The following WDR72 variants were observed in gnomAD, a reference collection of about 807,000 sequenced individuals.
WDR72 encodes the protein WD repeat domain 72, also known as WD repeat-containing protein 72.
A neutral mutation model predicts 124.2 loss-of-function variants in WDR72; 120 were observed. The ratio of observed to expected loss-of-function variants is 0.97; its 90% CI spans 0.83 to 1.12. The LOEUF is 1.12. Ranked by LOEUF, WDR72 falls within the 50% of genes most tolerant of loss-of-function variation. The pLI, the probability that WDR72 is intolerant of heterozygous loss-of-function variation, is 0.00. For missense variants in WDR72, 1,387 were observed against 1,278.8 expected (o/e 1.08, Z -1.29); for synonymous variants, 452 against 441.7 (o/e 1.02, Z -0.29).
chr15:53,720,115 T>A (rs1393650414), intron 3 of WDR72, among the ~76,000 whole-genome samples: 1 of 152,198 alleles, frequency 6.6e-6, no homozygotes, highest in Non-Finnish European at 1.5e-5. Flanking sequence ...TTAAAAAAAA[T>A]TGTTTTCTTT....
intron 18 of WDR72, among the ~76,000 whole-genome samples, chr15:53,579,229 A>G (rs1186162633): frequency 6.6e-6 from 1 of 152,142 alleles, no homozygotes; most frequent in Non-Finnish European, 1.5e-5. Flanking sequence ...TTAAGTAGAG[A>G]GTTAACACAA....
chr15:53,657,494 T>C (rs1178114886), intron 14 of WDR72, among the ~76,000 whole-genome samples: 1 of 152,072 alleles, frequency 6.6e-6, no homozygotes, highest in Admixed American at 6.6e-5. Context: ...AAAATTAAAA[T>C]GCCTAAAATG....
chr15:53,536,063 A>C (rs1280577793), intron 18 of WDR72, among the ~76,000 whole-genome samples: 1 of 152,138 alleles, frequency 6.6e-6, no homozygotes, highest in Non-Finnish European at 1.5e-5. Flanking sequence ...AGTAGGTGCA[A>C]TCAGAAAACA....
chr15:53,530,659 A>G (rs12439886), intron 18 of WDR72, among the ~76,000 whole-genome samples: 73,257 of 151,766 alleles, frequency 0.48, 18,190 homozygotes, highest in African/African-American at 0.6. Context: ...GCTTGTATTT[A>G]AAAATTTAGA....
chr15:53,637,926 T>C (rs2140405601), intron 14 of WDR72, among the ~76,000 whole-genome samples: 1 of 152,310 alleles, frequency 6.6e-6, no homozygotes, highest in South Asian at 2.1e-4. Context: ...TCATGTCTGA[T>C]TCCTTCAATG....
chr15:53,737,167 G>A (rs1362840775), intron 1 of WDR72, among the ~76,000 whole-genome samples: 1 of 152,070 alleles, frequency 6.6e-6, no homozygotes, highest in Admixed American at 6.6e-5. Flanking sequence ...TGGGAAACTG[G>A]TTGATTCCAG....
chr15:53,631,842 G>A lies in WDR72; in HGVS notation c.1963-15599C>T, dbSNP rs146756522. Among the ~76,000 whole-genome samples the A allele has an allele frequency of 5.9e-5, 9 of 152,308 alleles. No homozygotes were observed. The East Asian group carries it at 1.7e-3, about 29-fold the overall frequency. On this transcript the variant is annotated intron_variant, in intron 14 of 19. Coordinates refer to ENST00000360509, the MANE Select transcript of WDR72 (RefSeq NM_182758.4). ...TTCTAAGGATTGAAGCACTGAAGATGTGACTTGGCTGCTTCTAAAAGCCTA... is the reference window on the plus strand; with the variant it reads ...TTCTAAGGATTGAAGCACTGAAGATATGACTTGGCTGCTTCTAAAAGCCTA...
chr15:53,755,752 A>G (rs2018885327), intron 1 of WDR72, among the ~76,000 whole-genome samples: 1 of 152,226 alleles, frequency 6.6e-6, no homozygotes, highest in African/African-American at 2.4e-5. Flanking sequence ...CAAAGCAGGT[A>G]GAGAGCGCAG....
chr15:53,559,338 A>C (rs1285165446), intron 18 of WDR72, among the ~76,000 whole-genome samples: 1 of 152,028 alleles, frequency 6.6e-6, no homozygotes. Flanking sequence ...TTAAGAAAAA[A>C]CATGCAGGTT....
chr15:53,759,934 ATTAG>A (rs1211946422), upstream of WDR72, among the ~76,000 whole-genome samples: 1 of 151,372 alleles, frequency 6.6e-6, no homozygotes, highest in African/African-American at 2.4e-5. Flanking sequence ...GCTGGAGAGA[ATTAG>A]TTAGGGGGGG....
rs1359310719 is a variant in WDR72, at chr15:53,615,281, A to T, written c.2780+145T>A. 6.5e-6 allele frequency: 4 copies of T among 617,526 alleles called. No individual in the cohort carries two copies. The East Asian group carries it at 1.1e-4, about 18-fold the overall frequency. 38.3% of individuals were successfully genotyped at this position (617,526 alleles called of 1,614,324 possible). ...AAACAATTAAAAGGGAGATTTTCTT[A>T]AATGTTTTTTAAACCAGAAATTGTT... On this transcript the variant is annotated intron_variant, in intron 15 of 19. Transcript: ENST00000360509.
chr15:53,714,585 T>C, intron 5 of WDR72, 75 bp from the exon 6 acceptor site: 3 of 1,216,646 alleles, frequency 2.5e-6, no homozygotes, highest in Non-Finnish European at 3.7e-6. Context: ...TTCACAGTCA[T>C]TTAAGAATTA....
At chr15:53,603,554 T>C (rs1462655858) in intron 17 of WDR72, among the ~76,000 whole-genome samples, 1 of 152,142 alleles carries the variant, frequency 6.6e-6, no homozygotes, top group East Asian at 1.9e-4. Context: ...ACTACCCTTT[T>C]CGAAGATGTC....
At chr15:53,681,042 T>C (rs919814759) in intron 13 of WDR72, among the ~76,000 whole-genome samples, 1 of 152,220 alleles carries the variant, frequency 6.6e-6, no homozygotes, top group Non-Finnish European at 1.5e-5. Flanking sequence ...AGTTCATCCC[T>C]AGAAACACAA....
chr15:53,708,321 G>A (rs1455761100), intron 9 of WDR72, among the ~76,000 whole-genome samples: 2 of 152,110 alleles, frequency 1.3e-5, no homozygotes, highest in African/African-American at 4.8e-5. Context: ...GTTACTGTAG[G>A]CAATTTAGTG....
intron 6 of WDR72, among the ~76,000 whole-genome samples, chr15:53,713,827 T>C (rs2017625080): frequency 6.6e-6 from 1 of 152,128 alleles, no homozygotes; most frequent in Non-Finnish European, 1.5e-5. Flanking sequence ...GAATAGTACG[T>C]TCTCAATAAG....
intron 14 of WDR72, among the ~76,000 whole-genome samples, chr15:53,647,482 T>C (rs1335221856): frequency 2.6e-5 from 4 of 152,084 alleles, no homozygotes; most frequent in African/African-American, 9.7e-5. Context: ...GAAACCACAC[T>C]TTTCCACAAA....
chr15:53,594,980 ATG>A (rs2140336505), intron 18 of WDR72, among the ~76,000 whole-genome samples: 1 of 152,260 alleles, frequency 6.6e-6, no homozygotes, highest in South Asian at 2.1e-4. Context: ...GATGTATTTT[ATG>A]TGTCTCCCAT....
In WDR72 at chr15:53,515,363, T is replaced by TG. The variant is rs1891406180; in HGVS notation, c.*2335dup. Reference sequence around the variant, plus strand: ...CGTACGTGGTCTATCCAGTTAACTGTGTGGCAATTTGCTATTTCAAGTCCT... The same window carrying TG: ...CGTACGTGGTCTATCCAGTTAACTGTGGTGGCAATTTGCTATTTCAAGTCCT... On this transcript the variant is annotated 3_prime_UTR_variant, in exon 20 of 20. Coordinates refer to ENST00000360509, the MANE Select transcript of WDR72 (RefSeq NM_182758.4). 1 of 152,032 alleles carries TG rather than the reference T, an allele frequency of 6.6e-6. No individual in the cohort carries two copies. The highest frequency in any genetic ancestry group is 2.4e-5 in the African/African-American group (1 of 41,418). 9.4% of individuals were successfully genotyped at this position (152,032 alleles called of 1,614,324 possible).
Sources: gnomAD v4.1 joint callset for allele counts (sites outside exome capture counted in the v4.1 genomes callset) on GRCh38, gnomAD v4.1.1 for gene constraint, MANE v1.5 for transcripts, NCBI Gene and HGNC (gene_info 2026-07-23, HGNC 2026-07-21) for gene names.